CFAP61: variants seen among roughly 807,000 people sequenced by gnomAD.
CFAP61 encodes the protein cilia- and flagella-associated protein 61.
In CFAP61, 107 loss-of-function variants were observed where a neutral mutation model predicts 135.6. That is an observed-to-expected ratio of 0.79 (90% CI 0.67 to 0.93). The LOEUF (loss-of-function observed/expected upper bound fraction) is 0.93, where lower values mean the gene tolerates loss of function less well. Among genes scored for constraint, CFAP61 ranks in the 40% least tolerant of loss-of-function variants. CFAP61 has a pLI of 0.00. For synonymous variants in CFAP61, 575 were observed against 578.5 expected, an observed-to-expected ratio of 0.99 and a Z score of 0.09; for missense variants, 1,507 against 1,556.2, an observed-to-expected ratio of 0.97 and a Z score of 0.53.
chr20:20,095,533 GTT>G (rs1409495757), intron 7 of CFAP61: 1 of 152,340 alleles, frequency 6.6e-6, no homozygotes, highest in Non-Finnish European at 1.5e-5. Flanking sequence ...GTTTGGAGGA[GTT>G]TGGGGCCATC....
At chr20:20,210,661 C>T (rs769678682) in intron 17 of CFAP61, among the ~76,000 whole-genome samples, 7 of 152,190 alleles carry the variant, frequency 4.6e-5, no homozygotes, top group Non-Finnish European at 1.0e-4. Flanking sequence ...TGGGGCTGGC[C>T]GACTCCCTCT....
At chr20:20,313,073 A>G (rs1386637882) in intron 25 of CFAP61, among the ~76,000 whole-genome samples, 1 of 152,142 alleles carries the variant, frequency 6.6e-6, no homozygotes, top group East Asian at 1.9e-4. Flanking sequence ...CTAACCCCCT[A>G]TGTGACTGTA....
chr20:20,078,726 T>C (rs2146586398), intron 6 of CFAP61, among the ~76,000 whole-genome samples: 1 of 151,686 alleles, frequency 6.6e-6, no homozygotes, highest in East Asian at 1.9e-4. Context: ...GGGAGAGGAA[T>C]ACAGAAGAAA....
In CFAP61 at chr20:20,277,433, C is replaced by T. The variant is rs746726336; in HGVS notation, c.2771C>T (p.Thr924Ile). The T allele has an allele frequency of 2.5e-6, 4 of 1,612,426 alleles. No individual in the cohort carries two copies. In the Admixed American group the frequency reaches 6.7e-5, roughly 27 times the overall value. Residue 924 changes from threonine to isoleucine, a missense_variant, in exon 22 of 27, where the codon ACC becomes ATC. Coordinates refer to ENST00000245957, the MANE Select transcript of CFAP61 (RefSeq NM_015585.4). ...PIYSASFTTP[T>I]KPFRLQCSMF... ...TACAGCGCCTCCTTCACCACACCCA[C>T]CAAGCCTTTCAGACTCCAGTGCTCT... is the stretch of plus-strand genomic sequence containing the variant.
intron 9 of CFAP61, among the ~76,000 whole-genome samples, chr20:20,155,607 A>AG: frequency 6.6e-6 from 1 of 152,222 alleles, no homozygotes; most frequent in Non-Finnish European, 1.5e-5. Context: ...AAGTGGGCAA[A>AG]GGACATGAAT....
chr20:20,269,160 C>CATATATGTATATAT lies in CFAP61; in HGVS notation c.2503+6031_2503+6032insTATATGTATATATA, dbSNP rs1385505756. On this transcript the variant is annotated intron_variant, in intron 21 of 26. Coordinates refer to ENST00000245957, the MANE Select transcript of CFAP61 (RefSeq NM_015585.4). ...ATATATATATATACACACACACACA[C>CATATATGTATATAT]ACACATACATATATGTATATACACA... Among the ~76,000 whole-genome samples, 37 of 102,352 alleles carry CATATATGTATATAT rather than the reference C, an allele frequency of 3.6e-4. 1 individual carries two copies. The highest frequency in any genetic ancestry group is 6.1e-4 in the Non-Finnish European group (27 of 44,144). The allele number at this position is 102,352 out of a possible 152,430, so 67.1% of individuals were successfully genotyped here.
chr20:20,153,404 A>G (rs2052617010), intron 9 of CFAP61, among the ~76,000 whole-genome samples: 2 of 152,284 alleles, frequency 1.3e-5, no homozygotes, highest in Admixed American at 1.3e-4. Context: ...TAACAAAAAA[A>G]TTCAAAAGAT....
intron 25 of CFAP61, among the ~76,000 whole-genome samples, chr20:20,312,326 C>T (rs1324823889): frequency 6.6e-6 from 1 of 152,112 alleles, no homozygotes; most frequent in Non-Finnish European, 1.5e-5. Flanking sequence ...ACATAAAAGA[C>T]CCAAATCAAA....
chr20:20,239,924 A>C (rs1327904), intron 18 of CFAP61, among the ~76,000 whole-genome samples: 56,289 of 151,870 alleles, frequency 0.37, 10,823 homozygotes, highest in East Asian at 0.56. Flanking sequence ...ATAGGAGGGG[A>C]GGGTTGTGGG....
At chr20:20,189,810 T>G (rs981471532) in intron 14 of CFAP61, among the ~76,000 whole-genome samples, 1 of 152,240 alleles carries the variant, frequency 6.6e-6, no homozygotes, top group Non-Finnish European at 1.5e-5. Flanking sequence ...TTTGTTTATT[T>G]TGAGACAGAG....
At chr20:20,165,406 A>G (rs1202819923) in intron 11 of CFAP61, among the ~76,000 whole-genome samples, 6 of 151,926 alleles carry the variant, frequency 3.9e-5, no homozygotes, top group Admixed American at 3.9e-4. Context: ...TGAGCAGGGG[A>G]TAAGTTGACA....
intron 13 of CFAP61, among the ~76,000 whole-genome samples, chr20:20,176,600 AC>A (rs1447532688): frequency 6.6e-6 from 1 of 152,154 alleles, no homozygotes; most frequent in Non-Finnish European, 1.5e-5. Context: ...GCAAACTAAC[AC>A]AGGAACAGAA....
intron 8 of CFAP61, among the ~76,000 whole-genome samples, chr20:20,122,055 G>C (rs1305056668): frequency 6.6e-6 from 1 of 151,766 alleles, no homozygotes; most frequent in African/African-American, 2.4e-5. Flanking sequence ...CATCACCCAG[G>C]CAGTATACAT....
chr20:20,308,358 TTC>T (rs2056601953), intron 25 of CFAP61, among the ~76,000 whole-genome samples: 3 of 151,936 alleles, frequency 2.0e-5, no homozygotes. Context: ...AGGAAGTGAT[TTC>T]TCTCTGTGCC....
intron 26 of CFAP61, among the ~76,000 whole-genome samples, chr20:20,357,192 TGTGA>T (rs1297300666): frequency 7.1e-5 from 5 of 70,120 alleles, no homozygotes; most frequent in South Asian, 5.5e-4. Context: ...GTGGTCATAC[TGTGA>T]GTGAGGAGGT....
intron 8 of CFAP61, among the ~76,000 whole-genome samples, chr20:20,138,575 G>A (rs2051124330): frequency 6.6e-6 from 1 of 152,232 alleles, no homozygotes; most frequent in South Asian, 2.1e-4. Context: ...ACTGCCAGGG[G>A]AATGGGGAAA....
At chr20:20,299,134 A>G (rs888687529) in intron 25 of CFAP61, among the ~76,000 whole-genome samples, 1 of 152,238 alleles carries the variant, frequency 6.6e-6, no homozygotes, top group African/African-American at 2.4e-5. Context: ...ATTGCCATCA[A>G]TCTCTCTTGC....
In CFAP61 at chr20:20,196,629, C is replaced by T; in HGVS notation, c.1650C>T (p.His550=). Residue 550 remains histidine (H), a synonymous_variant, in exon 16 of 27, where the codon CAC becomes CAT. Coordinates refer to ENST00000245957, the MANE Select transcript of CFAP61 (RefSeq NM_015585.4). ...NIEDFIYFSH[H]QREEHGHMHH... ...AAGATTTCATCTACTTCAGTCACCA[C>T]CAGCGCGAAGAACACGGGCACATGC... is the stretch of plus-strand genomic sequence containing the variant. 1 of 1,614,126 alleles carries T rather than the reference C, an allele frequency of 6.2e-7. No homozygotes were observed.
chr20:20,310,736 C>A, intron 25 of CFAP61, among the ~76,000 whole-genome samples: 1 of 152,188 alleles, frequency 6.6e-6, no homozygotes, highest in Non-Finnish European at 1.5e-5. Flanking sequence ...AGCTCCATGA[C>A]CAATCCTCTC....
Sources: gnomAD v4.1 joint callset for allele counts (sites outside exome capture counted in the v4.1 genomes callset) on GRCh38, gnomAD v4.1.1 for gene constraint, MANE v1.5 for transcripts, NCBI Gene and HGNC (gene_info 2026-07-23, HGNC 2026-07-21) for gene names.